CCNF: variants seen among roughly 807,000 people sequenced by gnomAD.
CCNF encodes the protein cyclin-F.
In CCNF, 30 loss-of-function variants were observed where a neutral mutation model predicts 85.4. The ratio of observed to expected loss-of-function variants is 0.35; its 90% CI spans 0.26 to 0.48. CCNF has a LOEUF of 0.48. Among genes scored for constraint, CCNF ranks in the 20% least tolerant of loss-of-function variants. The pLI, the probability that CCNF is intolerant of heterozygous loss-of-function variation, is 0.99. For missense variants in CCNF, 919 were observed against 1,010.4 expected, an observed-to-expected ratio of 0.91 and a Z score of 1.23; for synonymous variants, 439 against 425.1, an observed-to-expected ratio of 1.03 and a Z score of -0.40.
chr16:2,435,586 G>GAC lies in CCNF; in HGVS notation c.279-219_279-218insCA, dbSNP rs2065284552. On this transcript the variant is annotated intron_variant, in intron 3 of 16. Coordinates refer to ENST00000397066, the MANE Select transcript of CCNF (RefSeq NM_001761.3). ...GGCAACAGAGCAAGACCCTGTCTCA[G>GAC]AGAGAGAGAGATATATATATATATA... Among the ~76,000 whole-genome samples, 45 of 55,854 alleles carry GAC rather than the reference G, an allele frequency of 8.1e-4. 2 individuals are homozygous for GAC. Among genetic ancestry groups the GAC allele is most frequent in the Admixed American group, 8.0e-3 (39 of 4,874 alleles). The allele number at this position is 55,854 out of a possible 152,430, so 36.6% of individuals were successfully genotyped here.
chr16:2,440,533 G>A (rs1264591583), intron 8 of CCNF, among the ~76,000 whole-genome samples: 4 of 151,976 alleles, frequency 2.6e-5, no homozygotes, highest in Admixed American at 6.6e-5. Context: ...GCTTGAACCC[G>A]GGAGGCAGAG....
At position 2,457,027 on chromosome 16, in the gene CCNF, C is replaced by T. The variant is rs772751358; in HGVS notation, c.*7C>T. ...GGGCCTTGTGAGGCTGTAAGTGTGT[C>T]AGCACATTTGCCGCAGTGGATGTGT... On this transcript the variant is annotated 3_prime_UTR_variant, in exon 17 of 17. Coordinates refer to ENST00000397066, the MANE Select transcript of CCNF (RefSeq NM_001761.3). The T allele has an allele frequency of 6.4e-7, 1 of 1,565,216 alleles. No individual in the cohort carries two copies. Among genetic ancestry groups the T allele is most frequent in the Non-Finnish European group, 8.7e-7 (1 of 1,152,368 alleles).
At chr16:2,455,057 CA>C (rs113432361) in intron 15 of CCNF, among the ~76,000 whole-genome samples, 744 of 47,268 alleles carry the variant, frequency 0.016, 2 homozygotes, top group African/African-American at 0.037. Context: ...AAGAACACCT[CA>C]AAAAAAAAAA....
At chr16:2,431,679 CAAA>C (rs553578806) in intron 2 of CCNF, among the ~76,000 whole-genome samples, 11 of 72,930 alleles carry the variant, frequency 1.5e-4, no homozygotes, top group South Asian at 5.1e-4. Context: ...GACTCTGTCT[CAAA>C]AAAAAAAAAA....
intron 5 of CCNF, 119 bp from the exon 6 acceptor site, chr16:2,437,951 G>T: frequency 2.8e-6 from 2 of 723,838 alleles, no homozygotes; most frequent in Non-Finnish European, 2.6e-6. Context: ...GCCCTCTGCA[G>T]GGGAGGGAGG....
In CCNF at chr16:2,456,398, C is replaced by T. The variant is rs2065427721; in HGVS notation, c.1886-147C>T. ...GTCCAACTTGGAAGAGGCATGTCAC[C>T]CACGCTTCTCACCACAGGAGGGTAA... On this transcript the variant is annotated intron_variant, in intron 16 of 16. Transcript: ENST00000397066. This position sits in a 1 kb window ranked among gnomAD's most constrained non-coding sequence, Gnocchi z 4.5. The T allele has an allele frequency of 2.0e-6, 1 of 509,906 alleles. No individual in the cohort carries two copies. Among genetic ancestry groups the T allele is most frequent in the African/African-American group, 1.9e-5 (1 of 51,712 alleles). 31.6% of individuals were successfully genotyped at this position (509,906 alleles called of 1,614,324 possible).
chr16:2,437,335 G>A lies in CCNF; in HGVS notation c.540+13G>A, dbSNP rs371876390. 6.4e-5 allele frequency: 100 copies of A among 1,566,128 alleles called. No homozygotes were observed. The highest frequency in any genetic ancestry group is 2.2e-4 in the Middle Eastern group (1 of 4,578). On this transcript the variant is annotated intron_variant, in intron 5 of 16. Transcript: ENST00000397066. ...CCAGCTGCAGAGGGTGAGTCTGGGC[G>A]AGGGGCAGCACCTGCGAGGCCACCT...
rs910120770 is a variant in CCNF, at chr16:2,458,148, C to G, written c.*1128C>G. 4 of 152,128 alleles carry G rather than the reference C, an allele frequency of 2.6e-5. No homozygotes were observed. The highest frequency in any genetic ancestry group is 4.4e-5 in the Non-Finnish European group (3 of 68,052). 9.4% of individuals were successfully genotyped at this position (152,128 alleles called of 1,614,324 possible). ...CTGCCTGGGGCCATGTGACCATGGC[C>G]TCTCCCTGGGAACGGGCTGACCACA... On this transcript the variant is annotated 3_prime_UTR_variant, in exon 17 of 17. Transcript: ENST00000397066.
Position 2,453,626 on chromosome 16 carries a change from C to G in CCNF, c.1715+89C>G. 1 of 1,526,074 alleles carries G rather than the reference C, an allele frequency of 6.6e-7. No individual in the cohort carries two copies. Among genetic ancestry groups the G allele is most frequent in the South Asian group, 1.2e-5 (1 of 86,094 alleles). 94.5% of individuals were successfully genotyped at this position (1,526,074 alleles called of 1,614,324 possible). ...CTCAGCGCTTCCTCACACAGAGAGG[C>G]CCCCAAGGCTTGTCAGGGGAGCAGC... On this transcript the variant is annotated intron_variant, in intron 15 of 16. Coordinates refer to ENST00000397066, the MANE Select transcript of CCNF (RefSeq NM_001761.3). The surrounding 1 kb of genome is among the most constrained non-coding windows in gnomAD (Gnocchi z 5.6).
rs979844154 is a variant in CCNF at position 2,431,077 on chromosome 16, G to C, written c.17-53G>C. ...CCTTTTTTTTTCCCTTCAAGGGTGTGTATATAGAATAATTTTTCATCTTAT... is the reference window on the plus strand; with the variant it reads ...CCTTTTTTTTTCCCTTCAAGGGTGTCTATATAGAATAATTTTTCATCTTAT... On this transcript the variant is annotated intron_variant, in intron 1 of 16. Coordinates refer to ENST00000397066, the MANE Select transcript of CCNF (RefSeq NM_001761.3). The C allele has an allele frequency of 2.6e-6, 4 of 1,559,222 alleles. No individual in the cohort carries two copies. The Admixed American group carries it at 6.7e-5, about 26-fold the overall frequency.
intron 5 of CCNF, chr16:2,437,632 T>A: frequency 2.8e-6 from 1 of 357,024 alleles, no homozygotes; most frequent in Non-Finnish European, 5.1e-6. Context: ...CTCACGCCTG[T>A]CATCCTAGCA....
rs915050382 is a variant in CCNF at position 2,451,242 on chromosome 16, G to A, written c.1487+1327G>A. On this transcript the variant is annotated intron_variant, in intron 13 of 16. Coordinates refer to ENST00000397066, the MANE Select transcript of CCNF (RefSeq NM_001761.3). This position sits in a 1 kb window ranked among gnomAD's most constrained non-coding sequence, Gnocchi z 4.3. The stretch of plus-strand genomic sequence containing the variant: ...GGCAGGCGCGCGGGGCAGGTGGCGC[G>A]GGCGGGGGCGACTCCCTTCAGGGAG... 9.8e-5 allele frequency among the ~76,000 whole-genome samples: 15 copies of A among 152,334 alleles called. No individual in the cohort carries two copies. Among genetic ancestry groups the A allele is most frequent in the Admixed American group, 2.0e-4 (3 of 15,312 alleles).
rs139828844 is a variant in CCNF at position 2,455,561 on chromosome 16, G to A, written c.1882G>A (p.Asp628Asn). 5.6e-5 allele frequency: 89 copies of A among 1,592,858 alleles called. No individual in the cohort carries two copies. The highest frequency in any genetic ancestry group is 6.8e-5 in the East Asian group (3 of 44,240). Reference protein sequence around the residue: ...DQESEGEKEGDVTAPSGILDV... With the variant: ...DQESEGEKEGNVTAPSGILDV... ...GGAGAGTGAGGGCGAGAAGGAGGGC[G>A]ACGGTGAGTGTGGGGCCAGGGTGCA... is the stretch of plus-strand genomic sequence containing the variant. Residue 628 changes from aspartate (D) to asparagine (N), a missense_variant, in exon 16 of 17, where the codon GAC (aspartate) becomes AAC (asparagine). Around this residue, in one of 3 missense-constraint regions of CCNF, gnomAD observed 505 missense variants for 514.8 expected, o/e 0.98. Coordinates refer to ENST00000397066, the MANE Select transcript of CCNF (RefSeq NM_001761.3).
rs1468607383 is a variant in CCNF at position 2,457,341 on chromosome 16, TC to T, written c.*324del. 1 of 225,094 alleles carries T rather than the reference TC, an allele frequency of 4.4e-6. No individual in the cohort carries two copies. The highest frequency in any genetic ancestry group is 8.7e-6 in the Non-Finnish European group (1 of 114,320). The allele number at this position is 225,094 out of a possible 1,614,324, so 13.9% of individuals were successfully genotyped here. ...CTTCAGCCCATGTGTGTCCTGGTGT[TC>T]CCAGCCCCACCAGAGCCCCGTGCCG... On this transcript the variant is annotated 3_prime_UTR_variant, in exon 17 of 17. Coordinates refer to ENST00000397066, the MANE Select transcript of CCNF (RefSeq NM_001761.3).
At position 2,437,134 on chromosome 16, in the gene CCNF, G is replaced by A. The variant is rs1214815214; in HGVS notation, c.352G>A (p.Val118Met). ...IAYLYNEGLS[V>M]SDEARAEVNG... is the part of the protein sequence containing the mutation. ...TGTCCTGTCTGTCCCCGCAGTGTCT[G>A]TGTCTGATGAGGCCCGCGCAGAAGT... Residue 118 changes from valine to methionine, a missense_variant, in exon 5 of 17, where the codon GTG (valine) becomes ATG (methionine). Transcript: ENST00000397066. 1 of 1,592,068 alleles carries A rather than the reference G, an allele frequency of 6.3e-7. No homozygotes were observed. Among genetic ancestry groups the A allele is most frequent in the Admixed American group, 1.7e-5 (1 of 59,224 alleles).
At chr16:2,454,888 C>G (rs1226106589) in intron 15 of CCNF, among the ~76,000 whole-genome samples, 3 of 152,022 alleles carry the variant, frequency 2.0e-5, no homozygotes, top group Admixed American at 6.6e-5. Context: ...GGTGAAACCC[C>G]GTTTCTACTA....
Position 2,449,873 on chromosome 16 carries a change from A to G in CCNF, c.1445A>G (p.Tyr482Cys). ...CTGTGGGACCTCACCGGATTCTCCT[A>G]TGAAGACCTCATTCCCTGCGTCTTG... ...TQLWDLTGFS[Y>C]EDLIPCVLSL... Residue 482 changes from tyrosine (Y) to cysteine (C), a missense_variant, in exon 13 of 17, where the codon TAT (tyrosine) becomes TGT (cysteine). Around this residue, in one of 3 missense-constraint regions of CCNF, gnomAD observed 505 missense variants for 514.8 expected, o/e 0.98. Coordinates refer to ENST00000397066, the MANE Select transcript of CCNF (RefSeq NM_001761.3). 6 of 1,593,070 alleles carry G rather than the reference A, an allele frequency of 3.8e-6. No homozygotes were observed. The highest frequency in any genetic ancestry group is 5.1e-6 in the Non-Finnish European group (6 of 1,169,214).
In CCNF at chr16:2,439,365, C is replaced by G; in HGVS notation, c.607C>G (p.Gln203Glu). ...GGATTTATTCTAGGATGAGGAGAAG[C>G]AGCAGCAGGCCCATGACCTGTTTGA... ...VLSLFEDEEK[Q>E]QQAHDLFEEA... Residue 203 changes from glutamine to glutamate, a missense_variant, in exon 7 of 17, where the codon CAG (glutamine) becomes GAG (glutamate). Gln to Glu is a conservative substitution (Grantham distance 29, BLOSUM62 2). Around this residue, in one of 3 missense-constraint regions of CCNF, gnomAD observed 410 missense variants for 478.6 expected, o/e 0.86. Coordinates refer to ENST00000397066, the MANE Select transcript of CCNF (RefSeq NM_001761.3). The G allele has an allele frequency of 6.2e-7, 1 of 1,604,822 alleles. No individual in the cohort carries two copies.
chr16:2,456,431 G>C lies in CCNF; in HGVS notation c.1886-114G>C. ...CTCACCACAGGAGGGTAACACAGGG[G>C]ACCGTAGCAAGGTAGAAGATTCTTG... On this transcript the variant is annotated intron_variant, in intron 16 of 16. Coordinates refer to ENST00000397066, the MANE Select transcript of CCNF (RefSeq NM_001761.3). The surrounding 1 kb of genome is among the most constrained non-coding windows in gnomAD (Gnocchi z 4.5). 3 of 677,370 alleles carry C rather than the reference G, an allele frequency of 4.4e-6. No homozygotes were observed. The highest frequency in any genetic ancestry group is 2.4e-6 in the Non-Finnish European group (1 of 422,816). 42.0% of individuals were successfully genotyped at this position (677,370 alleles called of 1,614,324 possible). A position where few individuals can be genotyped will look rare whatever the true frequency, so the allele number is the denominator to read the frequency against.
Sources: allele counts gnomAD v4.1 joint callset (sites outside exome capture counted in the v4.1 genomes callset), GRCh38; gene constraint gnomAD v4.1.1; regional missense constraint gnomAD v4.1.1; non-coding constraint Gnocchi (gnomAD v3.1); transcripts MANE v1.5; gene names NCBI Gene and HGNC (gene_info 2026-07-23, HGNC 2026-07-21).